CTNNA3: variants seen among roughly 807,000 people sequenced by gnomAD.
The protein encoded by CTNNA3 is catenin alpha-3.
In CTNNA3, 76 loss-of-function variants were observed where a neutral mutation model predicts 95.7. The observed-to-expected ratio is 0.79, with a 90% confidence interval of 0.66 to 0.96. The LOEUF (loss-of-function observed/expected upper bound fraction) is 0.96, where lower values mean the gene tolerates loss of function less well. Ranked by LOEUF, CTNNA3 falls within the 40% of genes least tolerant of loss-of-function variation. The pLI, the probability that CTNNA3 is intolerant of heterozygous loss-of-function variation, is 0.00. For synonymous variants in CTNNA3, 431 were observed against 374.4 expected (o/e 1.15, Z -1.74); for missense variants, 1,191 against 1,089.8 (o/e 1.09, Z -1.31).
intron 15 of CTNNA3, among the ~76,000 whole-genome samples, chr10:66,065,691 G>C (rs749899792): frequency 6.6e-6 from 1 of 151,470 alleles, no homozygotes; most frequent in Non-Finnish European, 1.5e-5. Context: ...TATTTTCTCT[G>C]CCCACTTCTT....
At chr10:66,373,965 A>G (rs1380363520) in intron 12 of CTNNA3, among the ~76,000 whole-genome samples, 2 of 152,196 alleles carry the variant, frequency 1.3e-5, no homozygotes, top group African/African-American at 4.8e-5. Flanking sequence ...TCTCTGCCCC[A>G]TCCTTTGACA....
chr10:66,445,586 C>G (rs1444001283), intron 11 of CTNNA3, among the ~76,000 whole-genome samples: 1 of 151,886 alleles, frequency 6.6e-6, no homozygotes, highest in South Asian at 2.1e-4. Context: ...GGGTACATAA[C>G]AAAATGAAGG....
rs1002145305 is a variant in CTNNA3 at position 67,159,832 on chromosome 10, C to T, written c.1047+20485G>A. On this transcript the variant is annotated intron_variant, in intron 7 of 17. Transcript: ENST00000433211. The stretch of plus-strand genomic sequence containing the variant: ...TGGCAATAATTTCTTGGGTATGACT[C>T]CAAAAGCATGAGCAACAAAAGCAAA... 2.0e-5 allele frequency among the ~76,000 whole-genome samples: 3 copies of T among 152,074 alleles called. No homozygotes were observed. In the East Asian group the frequency reaches 5.8e-4, roughly 29 times the overall value.
At chr10:67,149,113 A>C (rs1269577510) in intron 7 of CTNNA3, among the ~76,000 whole-genome samples, 2 of 152,102 alleles carry the variant, frequency 1.3e-5, no homozygotes, top group African/African-American at 4.8e-5. Context: ...CCCAACATAA[A>C]ATTTATCCAA....
At chr10:66,934,714 C>T (rs1021608788) in intron 7 of CTNNA3, among the ~76,000 whole-genome samples, 3 of 152,116 alleles carry the variant, frequency 2.0e-5, no homozygotes, top group Non-Finnish European at 4.4e-5. Flanking sequence ...CAGAAACACT[C>T]TTTCCAACAA....
chr10:67,647,336 T>G, intron 2 of CTNNA3, 79 bp downstream of exon 2: 1 of 1,018,818 alleles, frequency 9.8e-7, no homozygotes, highest in Non-Finnish European at 1.4e-6. Flanking sequence ...AAATCTTTTA[T>G]TCTTCATTAT....
At chr10:67,750,956 A>G in intron 1 of CTNNA3, 1 of 1,604,428 alleles carries the variant, frequency 6.2e-7, no homozygotes, top group Non-Finnish European at 8.5e-7. Context: ...AAGCCAGAGG[A>G]CCCTTCCCTG....
chr10:67,012,961 C>T lies in CTNNA3; in HGVS notation c.1047+167356G>A, dbSNP rs1053359108. The stretch of plus-strand genomic sequence containing the variant: ...CTTTTCATGATTTTAAAAAAACCAA[C>T]ACTTTTCCCTTATATTTTCCAGGTA... On this transcript the variant is annotated intron_variant, in intron 7 of 17. Coordinates refer to ENST00000433211, the MANE Select transcript of CTNNA3 (RefSeq NM_013266.4). 4.0e-4 allele frequency: 61 copies of T among 152,102 alleles called. 1 individual carries two copies. Among genetic ancestry groups the T allele is most frequent in the African/African-American group, 1.4e-3 (59 of 41,446 alleles). 9.4% of individuals were successfully genotyped at this position (152,102 alleles called of 1,614,324 possible).
chr10:66,474,021 G>T (rs1262343600), intron 11 of CTNNA3, among the ~76,000 whole-genome samples: 3 of 152,028 alleles, frequency 2.0e-5, no homozygotes, highest in East Asian at 1.9e-4. Context: ...AATCCTTTGG[G>T]TATATACCCA....
chr10:67,018,863 C>T (rs919753645), intron 7 of CTNNA3, among the ~76,000 whole-genome samples: 7 of 152,234 alleles, frequency 4.6e-5, no homozygotes, highest in South Asian at 2.1e-4. Context: ...GTATAAGAGA[C>T]GCCAGTCAAT....
intron 4 of CTNNA3, among the ~76,000 whole-genome samples, chr10:67,533,323 C>CA (rs34612488): frequency 0.046 from 5,213 of 112,826 alleles, 94 homozygotes; most frequent in South Asian, 0.13. Flanking sequence ...ATCTCTGTCT[C>CA]AAAAAAAAAA....
chr10:66,384,097 T>C (rs1483913730), intron 11 of CTNNA3, among the ~76,000 whole-genome samples: 2 of 152,060 alleles, frequency 1.3e-5, no homozygotes, highest in African/African-American at 2.4e-5. Context: ...CACATAATAA[T>C]ACTAACCTTA....
intron 3 of CTNNA3, among the ~76,000 whole-genome samples, chr10:67,599,004 T>G (rs1843003934): frequency 6.6e-6 from 1 of 152,212 alleles, no homozygotes; most frequent in Admixed American, 6.5e-5. Flanking sequence ...CCCATTTCAT[T>G]TCAGGAACAA....
chr10:66,540,770 CAA>C (rs1841823125), intron 10 of CTNNA3, among the ~76,000 whole-genome samples: 1 of 151,982 alleles, frequency 6.6e-6, no homozygotes, highest in South Asian at 2.1e-4. Context: ...TGAGGGCTGA[CAA>C]AAGAACCGCT....
chr10:67,006,333 T>C (rs1490307580), intron 7 of CTNNA3, among the ~76,000 whole-genome samples: 1 of 152,150 alleles, frequency 6.6e-6, no homozygotes, highest in Non-Finnish European at 1.5e-5. Flanking sequence ...AGTATCTGTC[T>C]TACCAAATTG....
At chr10:66,002,625 G>T (rs74759383) in intron 15 of CTNNA3, among the ~76,000 whole-genome samples, 14,436 of 151,766 alleles carry the variant, frequency 0.095, 861 homozygotes, top group East Asian at 0.3. Flanking sequence ...CCACATAGTT[G>T]TTCAAGGACC....
chr10:66,168,496 C>A lies in CTNNA3; in HGVS notation c.1885-65247G>T, dbSNP rs1489036614. On this transcript the variant is annotated intron_variant, in intron 13 of 17. Coordinates refer to ENST00000433211, the MANE Select transcript of CTNNA3 (RefSeq NM_013266.4). The stretch of plus-strand genomic sequence containing the variant: ...ATTGAGCAAGCCAAACTCATTATAA[C>A]CTCAGAATAGTAATAGCTATACTCT... Among the ~76,000 whole-genome samples, 3 of 152,236 alleles carry A rather than the reference C, an allele frequency of 2.0e-5. No homozygotes were observed. In the East Asian group the frequency reaches 5.8e-4, roughly 29 times the overall value.
chr10:67,632,312 T>TTAAAA (rs551582053), intron 2 of CTNNA3, among the ~76,000 whole-genome samples: 7 of 144,282 alleles, frequency 4.9e-5, no homozygotes, highest in African/African-American at 1.8e-4. Flanking sequence ...TTAAATATAT[T>TTAAAA]AAAAAAAAAA....
chr10:66,658,445 A>C (rs1846144047), intron 9 of CTNNA3, among the ~76,000 whole-genome samples: 1 of 152,166 alleles, frequency 6.6e-6, no homozygotes, highest in South Asian at 2.1e-4. Context: ...TGAGAGAATA[A>C]ATTACCTTTT....
Sources: gnomAD v4.1 joint callset for allele counts (sites outside exome capture counted in the v4.1 genomes callset) on GRCh38, gnomAD v4.1.1 for gene constraint, MANE v1.5 for transcripts, NCBI Gene and HGNC (gene_info 2026-07-23, HGNC 2026-07-21) for gene names.